CNTNAP2: variants seen among roughly 807,000 people sequenced by gnomAD.
CNTNAP2 encodes the protein contactin associated protein 2, also known as contactin-associated protein-like 2.
CNTNAP2 carries 98 observed loss-of-function variants against 155.2 expected under a neutral mutation model. That is an observed-to-expected ratio of 0.63 (90% CI 0.54 to 0.75). The LOEUF (loss-of-function observed/expected upper bound fraction) is 0.75. Among genes scored for constraint, CNTNAP2 ranks in the 30% least tolerant of loss-of-function variants. The pLI is 0.00. For missense variants in CNTNAP2, 1,727 were observed against 1,688.1 expected, an observed-to-expected ratio of 1.02 and a Z score of -0.40; for synonymous variants, 651 against 631.2, an observed-to-expected ratio of 1.03 and a Z score of -0.47.
chr7:147,651,490 G>T (rs1232485063), intron 13 of CNTNAP2, among the ~76,000 whole-genome samples: 1 of 152,178 alleles, frequency 6.6e-6, no homozygotes, highest in African/African-American at 2.4e-5. Flanking sequence ...CTTTTAATAT[G>T]AACTACTGAT....
intron 13 of CNTNAP2, among the ~76,000 whole-genome samples, chr7:147,725,755 A>T (rs1313273717): frequency 1.3e-5 from 2 of 152,014 alleles, no homozygotes; most frequent in Non-Finnish European, 2.9e-5. Context: ...AAAGTTGTGA[A>T]CCCAACACGA....
intron 11 of CNTNAP2, among the ~76,000 whole-genome samples, chr7:147,550,831 C>A (rs566163675): frequency 6.6e-6 from 1 of 152,192 alleles, no homozygotes; most frequent in East Asian, 1.9e-4. Context: ...AAAAATTGTT[C>A]TGTGAAAATA....
intron 3 of CNTNAP2, among the ~76,000 whole-genome samples, chr7:146,990,253 GA>G (rs1798187154): frequency 6.6e-6 from 1 of 152,092 alleles, no homozygotes; most frequent in African/African-American, 2.4e-5. Flanking sequence ...ATCATTCAAT[GA>G]ATGAGTTGCT....
chr7:146,511,304 G>T (rs1366754150), intron 1 of CNTNAP2, among the ~76,000 whole-genome samples: 5 of 152,108 alleles, frequency 3.3e-5, no homozygotes, highest in Non-Finnish European at 7.4e-5. Flanking sequence ...AATTGCTCTG[G>T]CTAGTACTTA....
At chr7:147,824,678 A>C (rs184812854) in intron 13 of CNTNAP2, among the ~76,000 whole-genome samples, 1 of 152,132 alleles carries the variant, frequency 6.6e-6, no homozygotes, top group Non-Finnish European at 1.5e-5. Context: ...TAATACTTGA[A>C]AAAATTGTCC....
intron 2 of CNTNAP2, among the ~76,000 whole-genome samples, chr7:146,832,255 A>G (rs1489728972): frequency 6.6e-6 from 1 of 152,060 alleles, no homozygotes; most frequent in Non-Finnish European, 1.5e-5. Context: ...GTTACATATT[A>G]TTTTCAATGT....
chr7:146,803,102 G>A (rs115484085), intron 2 of CNTNAP2, among the ~76,000 whole-genome samples: 2,879 of 152,224 alleles, frequency 0.019, 76 homozygotes, highest in African/African-American at 0.06. Context: ...AATTGAGAGC[G>A]GGAGGTAAAA....
chr7:147,274,284 A>T (rs2116711682), intron 8 of CNTNAP2, among the ~76,000 whole-genome samples: 1 of 152,184 alleles, frequency 6.6e-6, no homozygotes, highest in East Asian at 1.9e-4. Context: ...TTATATAAGC[A>T]TTCCCTTTTC....
chr7:147,882,351 T>A (rs1799535416), intron 13 of CNTNAP2, among the ~76,000 whole-genome samples: 1 of 152,218 alleles, frequency 6.6e-6, no homozygotes, highest in Admixed American at 6.5e-5. Context: ...ACTCTTGCAC[T>A]GGCTGGAATA....
intron 1 of CNTNAP2, among the ~76,000 whole-genome samples, chr7:146,619,738 C>G (rs563602965): frequency 1.7e-4 from 26 of 152,204 alleles, no homozygotes; most frequent in African/African-American, 6.3e-4. Flanking sequence ...TATATGTCCT[C>G]AAAAGTTTTC....
At chr7:147,118,567 TGA>T (rs1038790700) in intron 5 of CNTNAP2, among the ~76,000 whole-genome samples, 1 of 151,288 alleles carries the variant, frequency 6.6e-6, no homozygotes, top group Non-Finnish European at 1.5e-5. Context: ...AAATTCTGTG[TGA>T]GTTTCAACAC....
chr7:147,391,907 TTAAAATTCAGTAA>T (rs1300350575), intron 9 of CNTNAP2, among the ~76,000 whole-genome samples: 5 of 152,126 alleles, frequency 3.3e-5, no homozygotes, highest in Admixed American at 2.6e-4. Context: ...GCATTTTACT[TTAAAATTCAGTAA>T]TGCCTGGCTT....
At chr7:147,482,613 C>T (rs1431639452) in intron 10 of CNTNAP2, among the ~76,000 whole-genome samples, 5 of 151,750 alleles carry the variant, frequency 3.3e-5, no homozygotes, top group Admixed American at 3.3e-4. Flanking sequence ...CCCAGCTGCT[C>T]GGGAGGCTGA....
intron 13 of CNTNAP2, among the ~76,000 whole-genome samples, chr7:147,703,005 T>C (rs1473065882): frequency 6.6e-6 from 1 of 151,868 alleles, no homozygotes; most frequent in Non-Finnish European, 1.5e-5. Flanking sequence ...ACTTGTTATT[T>C]ACATTGTTCA....
chr7:147,616,791 A>C (rs921370728), intron 12 of CNTNAP2, among the ~76,000 whole-genome samples: 7 of 152,110 alleles, frequency 4.6e-5, no homozygotes, highest in African/African-American at 1.7e-4. Flanking sequence ...GCCTGAGATG[A>C]TGGATTTTAT....
intron 1 of CNTNAP2, among the ~76,000 whole-genome samples, chr7:146,299,541 C>A (rs1472550863): frequency 6.6e-6 from 1 of 152,070 alleles, no homozygotes; most frequent in African/African-American, 2.4e-5. Flanking sequence ...GGCCACCATG[C>A]AGCTAATTTT....
At chr7:148,149,885 T>G (rs575712538) in intron 17 of CNTNAP2, among the ~76,000 whole-genome samples, 37 of 151,950 alleles carry the variant, frequency 2.4e-4, no homozygotes, top group Non-Finnish European at 4.9e-4. Flanking sequence ...GTAAAACCAT[T>G]GATGACCGCA....
chr7:146,793,605 G>A (rs1223292027), intron 2 of CNTNAP2, among the ~76,000 whole-genome samples: 1 of 152,204 alleles, frequency 6.6e-6, no homozygotes, highest in Non-Finnish European at 1.5e-5. Context: ...AAGCAAGAAT[G>A]GCAGAGGCAA....
At chr7:148,098,433 ACT>A (rs1385741892) in intron 15 of CNTNAP2, among the ~76,000 whole-genome samples, 1 of 110,998 alleles carries the variant, frequency 9.0e-6, no homozygotes, top group Non-Finnish European at 1.7e-5. Context: ...ACAGAGCGAG[ACT>A]CTGTCTCAGA....
Sources: allele counts gnomAD v4.1 joint callset (sites outside exome capture counted in the v4.1 genomes callset), GRCh38; gene constraint gnomAD v4.1.1; transcripts MANE v1.5; gene names NCBI Gene and HGNC (gene_info 2026-07-23, HGNC 2026-07-21).